Variants in PPARD observed in about 807,000 individuals in gnomAD.
PPARD encodes the protein peroxisome proliferator-activated receptor delta.
In PPARD, 6 loss-of-function variants were observed where a neutral mutation model predicts 39.5. That is an observed-to-expected ratio of 0.15 (90% CI 0.08 to 0.30). The LOEUF (loss-of-function observed/expected upper bound fraction) is 0.30. Among genes scored for constraint, PPARD ranks in the 10% least tolerant of loss-of-function variants. PPARD has a pLI of 1.00. For missense variants in PPARD, 397 were observed against 596.8 expected, an observed-to-expected ratio of 0.67 and a Z score of 3.49; for synonymous variants, 210 against 231.3, an observed-to-expected ratio of 0.91 and a Z score of 0.83.
chr6:35,419,280 T>C (rs1392655866), intron 3 of PPARD, among the ~76,000 whole-genome samples: 1 of 152,168 alleles, frequency 6.6e-6, no homozygotes, highest in East Asian at 1.9e-4. Flanking sequence ...GTCAGGAAGC[T>C]GAGACTCAGT....
intron 2 of PPARD, among the ~76,000 whole-genome samples, chr6:35,373,869 C>T (rs569086995): frequency 7.9e-5 from 12 of 152,168 alleles, no homozygotes; most frequent in African/African-American, 2.7e-4. Flanking sequence ...TGGGATTTCA[C>T]CATGTTGCTC....
chr6:35,414,165 A>G (rs960125206), intron 3 of PPARD, among the ~76,000 whole-genome samples: 3 of 152,158 alleles, frequency 2.0e-5, no homozygotes, highest in African/African-American at 7.2e-5. Context: ...CATATGGTGG[A>G]ATACTCTGGA....
At chr6:35,347,988 A>G (rs1582264089) in intron 2 of PPARD, among the ~76,000 whole-genome samples, 1 of 149,366 alleles carries the variant, frequency 6.7e-6, no homozygotes, top group African/African-American at 2.5e-5. Flanking sequence ...GCTCACTGCA[A>G]CCTCCGCCTC....
intron 3 of PPARD, among the ~76,000 whole-genome samples, chr6:35,417,465 A>AT (rs1765849530): frequency 2.1e-5 from 3 of 140,352 alleles, no homozygotes; most frequent in Non-Finnish European, 3.1e-5. Context: ...TTTTTTTTTT[A>AT]CTTTTTATAG....
intron 2 of PPARD, among the ~76,000 whole-genome samples, chr6:35,380,490 T>G (rs200429672): frequency 1.1e-4 from 14 of 128,412 alleles, no homozygotes; most frequent in Middle Eastern, 7.4e-3. Context: ...TTTTTTTTTT[T>G]TTTTTTTTTT....
intron 2 of PPARD, among the ~76,000 whole-genome samples, chr6:35,353,151 G>A (rs551332344): frequency 6.6e-6 from 1 of 152,302 alleles, no homozygotes; most frequent in South Asian, 2.1e-4. Context: ...GGTTGATGGA[G>A]GACATTGAAT....
intron 2 of PPARD, among the ~76,000 whole-genome samples, chr6:35,397,005 C>T (rs1764366846): frequency 2.0e-5 from 3 of 152,094 alleles, no homozygotes; most frequent in Non-Finnish European, 4.4e-5. Context: ...CTCTCCTTGA[C>T]CTTGAACCTT....
intron 2 of PPARD, among the ~76,000 whole-genome samples, chr6:35,374,307 G>GT (rs1762660674): frequency 7.1e-6 from 1 of 140,942 alleles, no homozygotes; most frequent in African/African-American, 3.2e-5. Context: ...GTTCTCGGCG[G>GT]TGGGGCGGGG....
chr6:35,410,053 C>T (rs1765328280), intron 2 of PPARD, among the ~76,000 whole-genome samples: 1 of 152,064 alleles, frequency 6.6e-6, no homozygotes, highest in Non-Finnish European at 1.5e-5. Flanking sequence ...AGGTGGGTTG[C>T]TAAAGTAAAG....
intron 3 of PPARD, 33 bp downstream of exon 3, chr6:35,411,250 G>A: frequency 2.7e-6 from 4 of 1,470,998 alleles, no homozygotes; most frequent in Non-Finnish European, 3.6e-6. Flanking sequence ...ACACGGGGCA[G>A]AGGAGGCACA....
chr6:35,384,456 C>T lies in PPARD; in HGVS notation c.-101-26531C>T, dbSNP rs1224811898. On this transcript the variant is annotated intron_variant, in intron 2 of 7. Coordinates refer to ENST00000360694, the MANE Select transcript of PPARD (RefSeq NM_006238.5). ...GAGGTGGCGGGGTCAGCCCCCCGCC[C>T]GGCCAGCCGCCCCGTCCGGGAGGGA... is the stretch of plus-strand genomic sequence containing the variant. Among the ~76,000 whole-genome samples, 760 of 81,440 alleles carry T rather than the reference C, an allele frequency of 9.3e-3. 6 individuals carry two copies. The highest frequency in any genetic ancestry group is 0.027 in the African/African-American group (403 of 14,760). The allele number at this position is 81,440 out of a possible 152,430, so 53.4% of individuals were successfully genotyped here. A position where few individuals can be genotyped will look rare whatever the true frequency, so the allele number is the denominator to read the frequency against.
chr6:35,358,655 A>G (rs1761754688), intron 2 of PPARD, among the ~76,000 whole-genome samples: 2 of 152,192 alleles, frequency 1.3e-5, no homozygotes, highest in Admixed American at 1.3e-4. Flanking sequence ...AGCAAGAGAG[A>G]AAGCCTCATA....
chr6:35,382,886 T>G (rs1763227151), intron 2 of PPARD, among the ~76,000 whole-genome samples: 1 of 152,204 alleles, frequency 6.6e-6, no homozygotes, highest in Non-Finnish European at 1.5e-5. Context: ...GCATTCAGTA[T>G]GTGTTGTTGT....
chr6:35,392,523 A>G (rs1217002204), intron 2 of PPARD, among the ~76,000 whole-genome samples: 2 of 152,136 alleles, frequency 1.3e-5, no homozygotes, highest in Non-Finnish European at 1.5e-5. Context: ...TTCCAAGGCC[A>G]GTCCAGATGG....
Position 35,424,513 on chromosome 6 carries a change from G to A in PPARD, c.812G>A (p.Ser271Asn), listed in dbSNP as rs758636974. Residue 271 changes from serine (S) to asparagine (N), a missense_variant, in exon 7 of 8, where the codon AGC becomes AAC. Ser to Asn is a conservative substitution (Grantham distance 46). Transcript: ENST00000360694. This position sits in a 1 kb window ranked among gnomAD's most constrained non-coding sequence, Gnocchi z 7.1. ...TEFAKSIPSFSSLFLNDQVTL... is the reference protein window; with the variant it reads ...TEFAKSIPSFNSLFLNDQVTL... ...TTCGCCAAGAGCATCCCCAGCTTCA[G>A]CAGCCTCTTCCTCAACGACCAGGTT... 47 of 1,614,226 alleles carry A rather than the reference G, an allele frequency of 2.9e-5. No homozygotes were observed. Among genetic ancestry groups the A allele is most frequent in the Non-Finnish European group, 3.9e-5 (46 of 1,180,054 alleles).
chr6:35,371,065 C>G (rs530523994), intron 2 of PPARD, among the ~76,000 whole-genome samples: 1 of 152,198 alleles, frequency 6.6e-6, no homozygotes, highest in Non-Finnish European at 1.5e-5. Flanking sequence ...ATTACAGATG[C>G]CTTTACCTTC....
At chr6:35,360,774 T>G (rs1761886906) in intron 2 of PPARD, among the ~76,000 whole-genome samples, 1 of 152,274 alleles carries the variant, frequency 6.6e-6, no homozygotes, top group African/African-American at 2.4e-5. Flanking sequence ...TTCTTGCACC[T>G]TGCCATCCCC....
intron 2 of PPARD, among the ~76,000 whole-genome samples, chr6:35,383,921 C>T (rs1763339279): frequency 7.0e-6 from 1 of 141,960 alleles, no homozygotes; most frequent in African/African-American, 3.1e-5. Flanking sequence ...GGCAGCCACC[C>T]CGTCCGGGAG....
rs1764881365 is a variant in PPARD at position 35,404,260 on chromosome 6, G to C, written c.-101-6727G>C. ...CTTGAGCCAATTACTTTGCCTCTCTGTGCCATAATTTCCACGTCAGTTAAA... is the reference window on the plus strand; with the variant it reads ...CTTGAGCCAATTACTTTGCCTCTCTCTGCCATAATTTCCACGTCAGTTAAA... On this transcript the variant is annotated intron_variant, in intron 2 of 7. Transcript: ENST00000360694. 2.0e-5 allele frequency among the ~76,000 whole-genome samples: 3 copies of C among 152,214 alleles called. No individual in the cohort carries two copies. The South Asian group carries it at 6.2e-4, about 32-fold the overall frequency.
Sources: allele counts gnomAD v4.1 joint callset (sites outside exome capture counted in the v4.1 genomes callset), GRCh38; gene constraint gnomAD v4.1.1; non-coding constraint Gnocchi (gnomAD v3.1); transcripts MANE v1.5; gene names NCBI Gene and HGNC (gene_info 2026-07-23, HGNC 2026-07-21).